The following JARID2 variants were observed in gnomAD, a reference collection of about 807,000 sequenced individuals.
JARID2 encodes the protein protein Jumonji.
JARID2 carries 21 observed loss-of-function variants against 125.6 expected under a neutral mutation model. The observed-to-expected ratio is 0.17, with a 90% CI of 0.12 to 0.24. The LOEUF (loss-of-function observed/expected upper bound fraction) is 0.24, where lower values mean the gene tolerates loss of function less well. JARID2 is among the 10% of genes least tolerant of loss of function. The pLI, the probability that JARID2 is intolerant of heterozygous loss-of-function variation, is 1.00. For missense variants in JARID2, 1,303 were observed against 1,639.6 expected (o/e 0.79, Z 3.55); for synonymous variants, 736 against 661.6 (o/e 1.11, Z -1.73).
chr6:15,392,438 G>A (rs1243867013), intron 2 of JARID2, among the ~76,000 whole-genome samples: 5 of 152,036 alleles, frequency 3.3e-5, no homozygotes, highest in African/African-American at 9.7e-5. Flanking sequence ...CCTTCTGTCC[G>A]ACTTGCCCTG....
intron 5 of JARID2, among the ~76,000 whole-genome samples, chr6:15,485,188 C>G (rs1167578392): frequency 1.3e-5 from 2 of 152,172 alleles, no homozygotes; most frequent in Non-Finnish European, 2.9e-5. Flanking sequence ...GTGGCCTGGT[C>G]TTTCCTTCAG....
At chr6:15,479,629 A>T (rs1025287120) in intron 5 of JARID2, among the ~76,000 whole-genome samples, 1 of 152,228 alleles carries the variant, frequency 6.6e-6, no homozygotes, top group Non-Finnish European at 1.5e-5. Context: ...CATTGTGTGA[A>T]AGTTCCAGAA....
At chr6:15,377,888 C>CTTTTT (rs71772091) in intron 2 of JARID2, among the ~76,000 whole-genome samples, 3 of 144,808 alleles carry the variant, frequency 2.1e-5, no homozygotes, top group Non-Finnish European at 3.0e-5. Flanking sequence ...TTTTCTTCTT[C>CTTTTT]TTTTTTTTTT....
intron 1 of JARID2, among the ~76,000 whole-genome samples, chr6:15,255,076 G>A (rs1759609226): frequency 6.7e-6 from 1 of 148,932 alleles, no homozygotes; most frequent in Non-Finnish European, 1.5e-5. Flanking sequence ...TGTAACCACA[G>A]TTTTGCCCCT....
chr6:15,374,382 G>T (rs1764275444), intron 2 of JARID2, 130 bp downstream of exon 2: 6 of 892,506 alleles, frequency 6.7e-6, no homozygotes, highest in Non-Finnish European at 1.0e-5. Context: ...TGTAGGCTAG[G>T]TGAATCTGCA....
At position 15,520,426 on chromosome 6, in the gene JARID2, CTT is replaced by C; in HGVS notation, c.*176_*177del. ...TTAAACTGTTGAACTTTTTTTTGTA[CTT>C]AGAAAACCTAGATACTGCAGTCAGA... On this transcript the variant is annotated 3_prime_UTR_variant, in exon 18 of 18. Coordinates refer to ENST00000341776, the MANE Select transcript of JARID2 (RefSeq NM_004973.4). 1.9e-6 allele frequency: 1 copy of C among 522,424 alleles called. No homozygotes were observed. Among genetic ancestry groups the C allele is most frequent in the Non-Finnish European group, 3.2e-6 (1 of 309,640 alleles). 32.4% of individuals were successfully genotyped at this position (522,424 alleles called of 1,614,324 possible).
At chr6:15,469,660 C>T (rs568661881) in intron 5 of JARID2, among the ~76,000 whole-genome samples, 1 of 151,380 alleles carries the variant, frequency 6.6e-6, no homozygotes, top group Non-Finnish European at 1.5e-5. Context: ...GGAGTTGTGC[C>T]CTGAAAACAT....
At chr6:15,506,973 T>TGAC (rs1771034505) in intron 9 of JARID2, among the ~76,000 whole-genome samples, 163 bp from the exon 10 acceptor site, 2 of 152,204 alleles carry the variant, frequency 1.3e-5, no homozygotes, top group Non-Finnish European at 2.9e-5. Context: ...GACCTGTCAT[T>TGAC]GCTTTCTGCA....
In JARID2 at chr6:15,466,097, C is replaced by G. The variant is rs183251715; in HGVS notation, c.494-2445C>G. On this transcript the variant is annotated intron_variant, in intron 4 of 17. Coordinates refer to ENST00000341776, the MANE Select transcript of JARID2 (RefSeq NM_004973.4). ...GGGATTACAGGCGTGAGCCACCACG[C>G]CCAGCCTTATTGCTGTATTTTTATA... Among the ~76,000 whole-genome samples the G allele has an allele frequency of 3.4e-3, 514 of 152,338 alleles. 9 individuals are homozygous for G. Among genetic ancestry groups the G allele is most frequent in the Admixed American group, 0.032 (495 of 15,300 alleles).
chr6:15,338,247 G>A (rs1762947080), intron 1 of JARID2, among the ~76,000 whole-genome samples: 1 of 152,130 alleles, frequency 6.6e-6, no homozygotes, highest in South Asian at 2.1e-4. Context: ...GGGAATGAGG[G>A]ACGCCTCTAT....
chr6:15,282,728 A>G (rs751039452), intron 1 of JARID2, among the ~76,000 whole-genome samples: 4 of 151,828 alleles, frequency 2.6e-5, no homozygotes, highest in Non-Finnish European at 5.9e-5. Context: ...CAGCCTCCCA[A>G]GTAGCTGAGA....
intron 1 of JARID2, among the ~76,000 whole-genome samples, chr6:15,359,665 G>C (rs16876282): frequency 0.054 from 8,214 of 151,882 alleles, 735 homozygotes; most frequent in African/African-American, 0.19. Flanking sequence ...TATAACCTCA[G>C]CGGGTATTAG....
At chr6:15,420,239 C>G (rs1009134466) in intron 3 of JARID2, among the ~76,000 whole-genome samples, 6 of 152,062 alleles carry the variant, frequency 3.9e-5, no homozygotes, top group Non-Finnish European at 8.8e-5. Flanking sequence ...CCTGTCTCTA[C>G]TAAAAATACA....
At chr6:15,455,590 A>G (rs565163083) in intron 4 of JARID2, among the ~76,000 whole-genome samples, 1 of 152,242 alleles carries the variant, frequency 6.6e-6, no homozygotes, top group East Asian at 1.9e-4. Context: ...GGAGTGCAAC[A>G]GCGCGATCTT....
intron 16 of JARID2, among the ~76,000 whole-genome samples, chr6:15,515,645 G>T (rs1228267097): frequency 6.6e-6 from 1 of 151,770 alleles, no homozygotes; most frequent in Non-Finnish European, 1.5e-5. Context: ...AATTAACTGG[G>T]TGTGGTGGCG....
chr6:15,431,647 G>C (rs997269725), intron 3 of JARID2, among the ~76,000 whole-genome samples: 5 of 152,196 alleles, frequency 3.3e-5, no homozygotes, highest in African/African-American at 1.2e-4. Flanking sequence ...TTGAAATTAA[G>C]TTTCTAAAGA....
intron 1 of JARID2, among the ~76,000 whole-genome samples, chr6:15,291,306 C>G (rs1761204227): frequency 6.6e-6 from 1 of 152,114 alleles, no homozygotes; most frequent in Non-Finnish European, 1.5e-5. Flanking sequence ...TGTTTATCAT[C>G]TCCTCTTAGT....
At chr6:15,453,860 G>A (rs963681090) in intron 4 of JARID2, among the ~76,000 whole-genome samples, 1 of 152,072 alleles carries the variant, frequency 6.6e-6, no homozygotes, top group Non-Finnish European at 1.5e-5. Flanking sequence ...TCCTGGAATT[G>A]GCCATGTCTT....
chr6:15,400,987 G>A (rs187496444), intron 2 of JARID2: 2 of 1,289,418 alleles, frequency 1.6e-6, no homozygotes, highest in African/African-American at 3.0e-5. Flanking sequence ...GCAGTTTTTG[G>A]TGGCTTATCT....
Sources: allele counts gnomAD v4.1 joint callset (sites outside exome capture counted in the v4.1 genomes callset), GRCh38; gene constraint gnomAD v4.1.1; transcripts MANE v1.5; gene names NCBI Gene and HGNC (gene_info 2026-07-23, HGNC 2026-07-21).